The following MYO18A variants were observed in gnomAD, a reference collection of about 807,000 sequenced individuals.
The protein encoded by MYO18A is unconventional myosin-XVIIIa.
Under a neutral mutation model 235.8 loss-of-function variants are expected in MYO18A, and 78 were observed. The observed-to-expected ratio is 0.33, with a 90% CI of 0.28 to 0.40. MYO18A has a LOEUF of 0.40. Among genes scored for constraint, MYO18A ranks in the 10% least tolerant of loss-of-function variants. MYO18A has a pLI of 1.00. For synonymous variants in MYO18A, 977 were observed against 1,077.8 expected (o/e 0.91, Z 1.83); for missense variants, 2,215 against 2,699.3 (o/e 0.82, Z 3.98).
intron 30 of MYO18A, 124 bp from the exon 31 acceptor site, chr17:29,094,214 C>A: frequency 1.5e-6 from 1 of 686,784 alleles, no homozygotes. Flanking sequence ...CCTTTGCTGG[C>A]ACCTTGCTCC....
In MYO18A at chr17:29,109,601, G is replaced by A. The variant is rs766875893; in HGVS notation, c.3331+257C>T. Among the ~76,000 whole-genome samples the A allele has an allele frequency of 1.2e-4, 18 of 152,216 alleles. No homozygotes were observed. The highest frequency in any genetic ancestry group is 2.5e-4 in the Non-Finnish European group (17 of 68,042). On this transcript the variant is annotated intron_variant, in intron 19 of 41. Coordinates refer to ENST00000527372, the MANE Select transcript of MYO18A (RefSeq NM_078471.4). This position sits in a 1 kb window ranked among gnomAD's most constrained non-coding sequence, Gnocchi z 4.1. Reference sequence around the variant, plus strand: ...GCTGTGGACAAATGACAAGGTGCAGGGTGGAGCTAGGAAGGGAGGGGGACA... The same window carrying A: ...GCTGTGGACAAATGACAAGGTGCAGAGTGGAGCTAGGAAGGGAGGGGGACA...
At chr17:29,154,580 A>C (rs2068027405) in intron 2 of MYO18A, among the ~76,000 whole-genome samples, 1 of 152,190 alleles carries the variant, frequency 6.6e-6, no homozygotes, top group South Asian at 2.1e-4. Flanking sequence ...CAGGGGGCCC[A>C]GTTTCCCTCT....
chr17:29,150,350 C>T (rs995138473), intron 2 of MYO18A, among the ~76,000 whole-genome samples: 3 of 152,240 alleles, frequency 2.0e-5, no homozygotes, highest in Non-Finnish European at 4.4e-5. Context: ...CATGTGAGTA[C>T]CTGTGTGTTA....
In MYO18A at chr17:29,107,108, C is replaced by T. The variant is rs201424686; in HGVS notation, c.3413G>A (p.Arg1138His). ...CCTTTCATCCACCACGATGTAGTTA[C>T]GCCCGTGTTTCTTGGTCAGGTGCGG... ...LAPHLTKKHG[R>H]NYIVVDERRA... is the part of the protein sequence containing the mutation. The change falls in exon 20 of 42, where the codon CGT becomes CAT. Residue 1138 changes from arginine to histidine, a missense_variant. Physicochemically the swap from Arg to His is conservative, Grantham distance 29. Transcript: ENST00000527372. 20 of 1,614,004 alleles carry T rather than the reference C, an allele frequency of 1.2e-5. No individual in the cohort carries two copies. Among genetic ancestry groups the T allele is most frequent in the Admixed American group, 6.7e-5 (4 of 60,028 alleles).
At chr17:29,138,738 C>T (rs555528479) in intron 2 of MYO18A, among the ~76,000 whole-genome samples, 1 of 152,256 alleles carries the variant, frequency 6.6e-6, no homozygotes, top group Admixed American at 6.5e-5. Context: ...CGCCCAAAGC[C>T]TCACAGCAGC....
intron 2 of MYO18A, among the ~76,000 whole-genome samples, chr17:29,144,069 C>T (rs1289844317): frequency 6.6e-6 from 1 of 152,216 alleles, no homozygotes; most frequent in African/African-American, 2.4e-5. Flanking sequence ...GTGCCTGTCT[C>T]CACTCAGCTT....
chr17:29,119,210 A>G (rs1487495512), intron 8 of MYO18A, 125 bp downstream of exon 8: 3 of 672,448 alleles, frequency 4.5e-6, no homozygotes, highest in African/African-American at 3.6e-5. Context: ...CATAGCAGAC[A>G]TGCACTGACC....
chr17:29,113,970 C>G (rs748710320), intron 15 of MYO18A, 41 bp downstream of exon 15: 35 of 1,487,202 alleles, frequency 2.4e-5, no homozygotes, highest in Non-Finnish European at 3.0e-5. Context: ...GGGTGGGGAA[C>G]GAGAGGAAAG....
At chr17:29,134,815 G>A (rs529306752) in intron 2 of MYO18A, among the ~76,000 whole-genome samples, 250 of 152,274 alleles carry the variant, frequency 1.6e-3, no homozygotes, top group Non-Finnish European at 2.9e-3. Flanking sequence ...GAGCCACCAC[G>A]CCCAGCCAAC....
intron 20 of MYO18A, among the ~76,000 whole-genome samples, chr17:29,104,129 A>C (rs963845654): frequency 6.6e-6 from 1 of 152,208 alleles, no homozygotes; most frequent in African/African-American, 2.4e-5. Context: ...AGGGGGCTGA[A>C]GCCAAAGCAT....
At position 29,096,751 on chromosome 17, in the gene MYO18A, G is replaced by A. The variant is rs772273616; in HGVS notation, c.4385+10C>T. 15 of 1,591,810 alleles carry A rather than the reference G, an allele frequency of 9.4e-6. No individual in the cohort carries two copies. The highest frequency in any genetic ancestry group is 1.7e-5 in the Admixed American group (1 of 58,248). ...AGGTTCTCTGGGCCCAGGGCAGGGG[G>A]CCCACCCACCTCCTCTGCTTCTTCT... On this transcript the variant is annotated intron_variant, in intron 28 of 41. Coordinates refer to ENST00000527372, the MANE Select transcript of MYO18A (RefSeq NM_078471.4).
intron 2 of MYO18A, among the ~76,000 whole-genome samples, chr17:29,164,639 C>T (rs1324153465): frequency 6.6e-6 from 1 of 152,200 alleles, no homozygotes; most frequent in Non-Finnish European, 1.5e-5. Flanking sequence ...GCAGCAGGGG[C>T]CAGATCTGGA....
At chr17:29,101,598 C>T (rs1306635707) in intron 21 of MYO18A, among the ~76,000 whole-genome samples, 1 of 152,206 alleles carries the variant, frequency 6.6e-6, no homozygotes, top group South Asian at 2.1e-4. Context: ...TGAGCCACCA[C>T]GCCTGGCCCC....
intron 2 of MYO18A, among the ~76,000 whole-genome samples, chr17:29,142,459 C>T (rs1434460576): frequency 6.6e-6 from 1 of 152,212 alleles, no homozygotes; most frequent in Non-Finnish European, 1.5e-5. Flanking sequence ...TCTTACCCAA[C>T]CAGTATGAGA....
chr17:29,109,892 G>C lies in MYO18A; in HGVS notation c.3297C>G (p.Ser1099=). Residue 1099 remains serine (S), a synonymous_variant, in exon 19 of 42, where the codon TCC becomes TCG. Transcript: ENST00000527372. This position sits in a 1 kb window ranked among gnomAD's most constrained non-coding sequence, Gnocchi z 4.1. ...VPLLRTQLRG[S]RLLDAMRMYR... Reference sequence around the variant, plus strand: ...ACATGCGCATGGCATCGAGCAGGCGGGAGCCGCGGAGCTGGGTGCGGAGCA... The same window carrying C: ...ACATGCGCATGGCATCGAGCAGGCGCGAGCCGCGGAGCTGGGTGCGGAGCA... 6.4e-7 allele frequency: 1 copy of C among 1,571,340 alleles called. No homozygotes were observed. The highest frequency in any genetic ancestry group is 8.6e-7 in the Non-Finnish European group (1 of 1,158,378).
intron 2 of MYO18A, among the ~76,000 whole-genome samples, chr17:29,127,154 AATTCCAAAATCCCAAAAGCCCCCCC>A (rs2067341055): frequency 6.6e-6 from 1 of 152,166 alleles, no homozygotes; most frequent in Admixed American, 6.5e-5. Context: ...CCTTATTTGC[AATTCCAAAATCCCAAAAGCCCCCCC>A]AAACAAAATA....
chr17:29,085,016 T>G (rs1050404628), intron 40 of MYO18A, among the ~76,000 whole-genome samples: 9 of 152,164 alleles, frequency 5.9e-5, no homozygotes, highest in Non-Finnish European at 1.3e-4. Context: ...GGGAGTAAAG[T>G]AAACACATCT....
chr17:29,175,831 A>G (rs896955623), intron 1 of MYO18A, among the ~76,000 whole-genome samples: 7 of 152,130 alleles, frequency 4.6e-5, no homozygotes, highest in African/African-American at 1.7e-4. Context: ...AGGCCGAGGC[A>G]GGTGGATGAC....
At chr17:29,101,957 T>TTGAAAC in intron 21 of MYO18A, among the ~76,000 whole-genome samples, 1 of 152,296 alleles carries the variant, frequency 6.6e-6, no homozygotes, top group East Asian at 1.9e-4. Flanking sequence ...AGAGTCCTTA[T>TTGAAAC]TGAAACTCTC....
Sources: gnomAD v4.1 joint callset for allele counts (sites outside exome capture counted in the v4.1 genomes callset) on GRCh38, gnomAD v4.1.1 for gene constraint, Gnocchi (gnomAD v3.1) non-coding constraint, MANE v1.5 for transcripts, NCBI Gene and HGNC (gene_info 2026-07-23, HGNC 2026-07-21) for gene names.